Variants in TCF12 observed in about 807,000 individuals in gnomAD.
TCF12 encodes the protein transcription factor 12, also known as DNA-binding protein HTF4.
Under a neutral mutation model 86.0 loss-of-function variants are expected in TCF12, and 45 were observed. That is an observed-to-expected ratio of 0.52 (90% CI 0.41 to 0.67). The LOEUF is 0.67. TCF12 is among the 30% of genes least tolerant of loss of function. The pLI is 0.00. For missense variants in TCF12, 881 were observed against 859.9 expected (o/e 1.02, Z -0.31); for synonymous variants, 330 against 299.6 (o/e 1.10, Z -1.05).
At chr15:57,291,246 C>A (rs1465368656), downstream of TCF12, 1 of 152,220 alleles carries the variant, frequency 6.6e-6, no homozygotes, top group Non-Finnish European at 1.5e-5. Flanking sequence ...ACACATCCCC[C>A]CACATACTTT....
intron 4 of TCF12, among the ~76,000 whole-genome samples, chr15:57,073,058 C>A (rs963068996): frequency 5.3e-5 from 8 of 152,146 alleles, no homozygotes; most frequent in Admixed American, 1.3e-4. Context: ...ATTAAAGCTT[C>A]TGTTTTTTTC....
At chr15:56,918,380 A>G, upstream of TCF12, 1 of 380,942 alleles carries the variant, frequency 2.6e-6, no homozygotes, top group Non-Finnish European at 5.3e-6. Context: ...CGCTCCCAGG[A>G]GGCCCGGACG....
At chr15:57,139,064 ATATT>A (rs1652964154) in intron 5 of TCF12, among the ~76,000 whole-genome samples, 1 of 152,166 alleles carries the variant, frequency 6.6e-6, no homozygotes, top group African/African-American at 2.4e-5. Context: ...AGATAAGATC[ATATT>A]TAGACTGTCC....
intron 8 of TCF12, chr15:57,214,265 C>T (rs1171968215): frequency 3.3e-5 from 5 of 152,140 alleles, no homozygotes; most frequent in African/African-American, 1.2e-4. Flanking sequence ...ATAGTTCTGT[C>T]TCATTTGAAG....
rs770457627 is a variant in TCF12 at position 57,282,432 on chromosome 15, C to T, written c.1979-13C>T. On this transcript the variant is annotated splice_polypyrimidine_tract_variant and intron_variant, in intron 19 of 20. Transcript: ENST00000333725. ...AAAACCATAGTGATAAAAATTCTTT[C>T]CCCCTGTTTTAGAGAGGAACCTTAA... is the stretch of plus-strand genomic sequence containing the variant. 3.7e-6 allele frequency: 6 copies of T among 1,613,968 alleles called. No homozygotes were observed. The Admixed American group carries it at 6.7e-5, about 18-fold the overall frequency.
chr15:57,011,471 C>T (rs1474144001), intron 3 of TCF12, among the ~76,000 whole-genome samples: 1 of 152,076 alleles, frequency 6.6e-6, no homozygotes, highest in Non-Finnish European at 1.5e-5. Context: ...CCTGCAGAAC[C>T]GTGAGCCAAT....
chr15:57,196,672 G>A (rs1273407804), intron 7 of TCF12, among the ~76,000 whole-genome samples: 1 of 152,136 alleles, frequency 6.6e-6, no homozygotes, highest in African/African-American at 2.4e-5. Flanking sequence ...AACTCATCAA[G>A]TGAGACTGGT....
intron 18 of TCF12, among the ~76,000 whole-genome samples, chr15:57,269,302 C>T (rs2061012391): frequency 7.5e-6 from 1 of 133,830 alleles, no homozygotes; most frequent in Non-Finnish European, 1.6e-5. Flanking sequence ...CTCTTTTGAT[C>T]TTTGTTGGTT....
At chr15:57,281,578 T>A (rs1019184586) in intron 19 of TCF12, 7 of 152,184 alleles carry the variant, frequency 4.6e-5, no homozygotes, top group African/African-American at 1.7e-4. Flanking sequence ...ACACTCCCCA[T>A]CATTTGCATC....
chr15:57,056,116 G>GGTGTGTGTGTGTGTGTGTGTGT lies in TCF12; in HGVS notation c.149-7617_149-7596dup, dbSNP rs137934114. ...TAAATTTCAGATACTTAGTTTTAGGGGTGTGTGTGTGTGTGTGTGTGTGTG... is the reference window on the plus strand; with the variant it reads ...TAAATTTCAGATACTTAGTTTTAGGGGTGTGTGTGTGTGTGTGTGTGTGTGTGTGTGTGTGTGTGTGTGTGTG... On this transcript the variant is annotated intron_variant, in intron 3 of 20. Transcript: ENST00000333725. 4.2e-5 allele frequency among the ~76,000 whole-genome samples: 6 copies of GGTGTGTGTGTGTGTGTGTGTGT among 143,332 alleles called. No individual in the cohort carries two copies. In the South Asian group the frequency reaches 6.8e-4, roughly 16 times the overall value. The allele number at this position is 143,332 out of a possible 152,430, so 94.0% of individuals were successfully genotyped here. A position where few individuals can be genotyped will look rare whatever the true frequency, so the allele number is the denominator to read the frequency against.
rs115796996 is a variant in TCF12 at position 57,258,184 on chromosome 15, G to C, written c.1468-3910G>C. The stretch of plus-strand genomic sequence containing the variant: ...TAATCCCAGGTACTTGTGAGAAAGA[G>C]GTGAGAGGATCACTTGAGCCAGGAG... On this transcript the variant is annotated intron_variant, in intron 16 of 20. Coordinates refer to ENST00000333725, the MANE Select transcript of TCF12 (RefSeq NM_207037.2). 4.0e-3 allele frequency among the ~76,000 whole-genome samples: 612 copies of C among 152,178 alleles called. 3 individuals are homozygous for C. Among genetic ancestry groups the C allele is most frequent in the African/African-American group, 0.014 (595 of 41,518 alleles).
At chr15:57,225,341 A>G (rs1333085375) in intron 8 of TCF12, among the ~76,000 whole-genome samples, 1 of 143,946 alleles carries the variant, frequency 6.9e-6, no homozygotes, top group African/African-American at 2.6e-5. Flanking sequence ...CCAGGTTCAC[A>G]TCATTCTCCT....
intron 3 of TCF12, among the ~76,000 whole-genome samples, chr15:56,939,607 A>G (rs2060634509): frequency 6.6e-6 from 1 of 152,182 alleles, no homozygotes; most frequent in African/African-American, 2.4e-5. Context: ...GTGTTTCTGC[A>G]CAGTACCATG....
chr15:56,976,409 A>T lies in TCF12; in HGVS notation c.148+55311A>T, dbSNP rs1207504312. On this transcript the variant is annotated intron_variant, in intron 3 of 20. Coordinates refer to ENST00000333725, the MANE Select transcript of TCF12 (RefSeq NM_207037.2). ...CCACGCCTGGCTAATTTTTTTTTTT[A>T]AATATTTTTAGTAGAGATGGGGTTT... is the stretch of plus-strand genomic sequence containing the variant. Among the ~76,000 whole-genome samples, 250 of 144,168 alleles carry T rather than the reference A, an allele frequency of 1.7e-3. 1 individual carries two copies. Among genetic ancestry groups the T allele is most frequent in the African/African-American group, 5.8e-3 (230 of 39,378 alleles). The allele number at this position is 144,168 out of a possible 152,430, so 94.6% of individuals were successfully genotyped here.
chr15:57,033,395 A>G (rs1378365962), intron 3 of TCF12, among the ~76,000 whole-genome samples: 1 of 152,198 alleles, frequency 6.6e-6, no homozygotes. Context: ...AGACAGTAAC[A>G]TGGAATTTTT....
intron 3 of TCF12, among the ~76,000 whole-genome samples, chr15:56,926,367 A>T (rs1230663684): frequency 6.6e-6 from 1 of 152,086 alleles, no homozygotes; most frequent in African/African-American, 2.4e-5. Flanking sequence ...TAAAATACTG[A>T]GGTAAACTTC....
chr15:57,251,907 A>G (rs1446541344), intron 14 of TCF12, among the ~76,000 whole-genome samples: 3 of 152,082 alleles, frequency 2.0e-5, no homozygotes, highest in Non-Finnish European at 2.9e-5. Flanking sequence ...TTTCTTATGG[A>G]AAAAAAAGTA....
At chr15:57,229,107 G>A (rs1028536227) in intron 8 of TCF12, among the ~76,000 whole-genome samples, 2 of 151,884 alleles carry the variant, frequency 1.3e-5, no homozygotes, top group South Asian at 4.1e-4. Flanking sequence ...GTTGTTCATG[G>A]TTTAGCTTGG....
At chr15:57,188,490 A>G (rs1219616227) in intron 6 of TCF12, among the ~76,000 whole-genome samples, 1 of 152,190 alleles carries the variant, frequency 6.6e-6, no homozygotes, top group Non-Finnish European at 1.5e-5. Context: ...TTTATATGGA[A>G]TTTCAAGATC....
Sources: allele counts gnomAD v4.1 joint callset (sites outside exome capture counted in the v4.1 genomes callset), GRCh38; gene constraint gnomAD v4.1.1; transcripts MANE v1.5; gene names NCBI Gene and HGNC (gene_info 2026-07-23, HGNC 2026-07-21).